The following ERI1 variants were observed in gnomAD, a reference collection of about 807,000 sequenced individuals.
ERI1 encodes the protein 3'-5' exoribonuclease 1.
A neutral mutation model predicts 39.7 loss-of-function variants in ERI1; 39 were observed. The observed-to-expected ratio is 0.98, with a 90% CI of 0.76 to 1.28. The LOEUF is 1.28. ERI1 is among the 50% of genes most tolerant of loss of function. ERI1 has a pLI of 0.00. For missense variants in ERI1, 581 were observed against 416.9 expected (o/e 1.39, Z -3.43); for synonymous variants, 204 against 149.6 (o/e 1.36, Z -2.65).
At chr8:9,008,598 TCTA>T (rs1015913608) in intron 2 of ERI1, among the ~76,000 whole-genome samples, 7 of 152,250 alleles carry the variant, frequency 4.6e-5, no homozygotes, top group African/African-American at 1.7e-4. Context: ...TAAAAAATAA[TCTA>T]CAATGATCGT....
intron 3 of ERI1, among the ~76,000 whole-genome samples, chr8:9,083,078 A>C (rs972400127): frequency 4.6e-5 from 7 of 152,202 alleles, no homozygotes; most frequent in African/African-American, 1.7e-4. Context: ...ATTTAATTTT[A>C]ACTGGGGCCC....
rs1797476985 is a variant in ERI1, at chr8:9,030,047, G to A, written c.*13G>A. 1.9e-6 allele frequency: 3 copies of A among 1,611,264 alleles called. No individual in the cohort carries two copies. The highest frequency in any genetic ancestry group is 1.7e-5 in the Admixed American group (1 of 59,960). ...TTTTAGAAAGTAACAACAGTTTTGT[G>A]TGTGGATCATTCCAATTGAAGTTGC... On this transcript the variant is annotated 3_prime_UTR_variant, in exon 7 of 7. Coordinates refer to ENST00000250263, the MANE Select transcript of ERI1 (RefSeq NM_153332.4).
At chr8:9,079,883 C>T (rs1030940614) in intron 3 of ERI1, among the ~76,000 whole-genome samples, 1 of 151,698 alleles carries the variant, frequency 6.6e-6, no homozygotes, top group Non-Finnish European at 1.5e-5. Context: ...GTTGCCCAGG[C>T]TGGTCTTGAA....
At chr8:9,013,607 C>A (rs1255640854) in intron 3 of ERI1, among the ~76,000 whole-genome samples, 1 of 152,092 alleles carries the variant, frequency 6.6e-6, no homozygotes, top group Non-Finnish European at 1.5e-5. Flanking sequence ...GAAGCTGTCT[C>A]TTTGCTGGTG....
At chr8:9,042,452 C>T (rs1798056099) in intron 3 of ERI1, among the ~76,000 whole-genome samples, 1 of 152,094 alleles carries the variant, frequency 6.6e-6, no homozygotes, top group African/African-American at 2.4e-5. Flanking sequence ...ACTGCTACGC[C>T]CTCTCCCGCC....
At chr8:9,045,676 AT>A (rs34131409) in intron 3 of ERI1, among the ~76,000 whole-genome samples, 20,773 of 138,162 alleles carry the variant, frequency 0.15, 1,320 homozygotes, top group African/African-American at 0.21. Flanking sequence ...AATCTATAGA[AT>A]TTTTTTTTTT....
intron 3 of ERI1, among the ~76,000 whole-genome samples, chr8:9,086,543 C>G (rs1323155394): frequency 1.3e-5 from 2 of 152,178 alleles, no homozygotes; most frequent in Non-Finnish European, 2.9e-5. Context: ...GTGATACCGT[C>G]TCAAAACTAG....
At chr8:9,075,520 A>G (rs1419049244) in intron 3 of ERI1, among the ~76,000 whole-genome samples, 2 of 147,220 alleles carry the variant, frequency 1.4e-5, no homozygotes, top group East Asian at 1.9e-4. Flanking sequence ...TATTTTCATT[A>G]TGAACACGGT....
intron 3 of ERI1, among the ~76,000 whole-genome samples, chr8:9,060,282 C>T: frequency 6.6e-6 from 1 of 152,096 alleles, no homozygotes; most frequent in Non-Finnish European, 1.5e-5. Flanking sequence ...ACCGCGGTGG[C>T]CTTCTCAGAC....
chr8:9,055,399 A>G (rs1798474938), intron 3 of ERI1, among the ~76,000 whole-genome samples: 1 of 152,242 alleles, frequency 6.6e-6, no homozygotes, highest in Non-Finnish European at 1.5e-5. Context: ...AACTGATGGT[A>G]ATAAACGGAA....
intron 3 of ERI1, among the ~76,000 whole-genome samples, chr8:9,091,665 G>T (rs141958580): frequency 6.6e-6 from 1 of 152,160 alleles, no homozygotes; most frequent in Non-Finnish European, 1.5e-5. Context: ...TGGTTCTTAG[G>T]TCAAGGTCTA....
At chr8:9,052,917 G>T (rs1162083151) in intron 3 of ERI1, among the ~76,000 whole-genome samples, 1 of 152,144 alleles carries the variant, frequency 6.6e-6, no homozygotes, top group Non-Finnish European at 1.5e-5. Context: ...ATGATTAGAG[G>T]GTTGGAACTT....
chr8:9,094,020 C>G (rs527539545), intron 3 of ERI1, among the ~76,000 whole-genome samples: 27 of 152,080 alleles, frequency 1.8e-4, no homozygotes, highest in Non-Finnish European at 2.8e-4. Flanking sequence ...TTGTGGTACC[C>G]TATACACCAA....
At chr8:9,015,102 G>T (rs1208079218) in intron 3 of ERI1, among the ~76,000 whole-genome samples, 1 of 152,140 alleles carries the variant, frequency 6.6e-6, no homozygotes, top group East Asian at 1.9e-4. Context: ...CTCCCAGAGT[G>T]CTGGGATTAC....
downstream of ERI1, among the ~76,000 whole-genome samples, chr8:9,035,250 A>G (rs117247618): frequency 4.6e-5 from 7 of 152,384 alleles, no homozygotes; most frequent in East Asian, 1.9e-4. Context: ...GCCACACCAT[A>G]CAACAGGTTT....
At chr8:9,085,738 A>G (rs1472400658) in intron 3 of ERI1, among the ~76,000 whole-genome samples, 1 of 152,020 alleles carries the variant, frequency 6.6e-6, no homozygotes, top group Non-Finnish European at 1.5e-5. Flanking sequence ...TTAGAGGAGG[A>G]GTCAATAAGA....
rs1247150097 is a variant in ERI1, at chr8:9,031,955, A to T, written c.*1921A>T. ...GTATTTTTGGTAGAGGCGGGGTTTC[A>T]CCATGTTGGTCAGGCTGGTCTTGAA... On this transcript the variant is annotated 3_prime_UTR_variant, in exon 7 of 7. Transcript: ENST00000250263. The T allele has an allele frequency of 6.6e-6, 1 of 152,172 alleles. No individual in the cohort carries two copies. Among genetic ancestry groups the T allele is most frequent in the Non-Finnish European group, 1.5e-5 (1 of 68,094 alleles). The allele number at this position is 152,172 out of a possible 1,614,324, so 9.4% of individuals were successfully genotyped here.
chr8:9,064,037 G>A (rs984799219), intron 3 of ERI1, among the ~76,000 whole-genome samples: 23 of 151,844 alleles, frequency 1.5e-4, no homozygotes, highest in Admixed American at 1.5e-3. Flanking sequence ...AGGGGTTGGG[G>A]TGTGTAAATA....
chr8:9,051,674 G>T (rs773993243), intron 3 of ERI1, among the ~76,000 whole-genome samples: 3 of 150,792 alleles, frequency 2.0e-5, no homozygotes, highest in Non-Finnish European at 4.4e-5. Flanking sequence ...AAAAAAAGAA[G>T]CACGACTAAG....
Sources: allele counts gnomAD v4.1 joint callset (sites outside exome capture counted in the v4.1 genomes callset), GRCh38; gene constraint gnomAD v4.1.1; transcripts MANE v1.5; gene names NCBI Gene and HGNC (gene_info 2026-07-23, HGNC 2026-07-21).